Variants in CYP1B1 observed in about 807,000 individuals in gnomAD.
CYP1B1 encodes cytochrome P450 1B1.
Under a neutral mutation model 29.9 loss-of-function variants are expected in CYP1B1, and 22 were observed. That is an observed-to-expected ratio of 0.74 (90% CI 0.53 to 1.05). CYP1B1 has a LOEUF of 1.05. Among genes scored for constraint, CYP1B1 ranks in the 50% least tolerant of loss-of-function variants. The pLI, the probability that CYP1B1 is intolerant of heterozygous loss-of-function variation, is 0.00. For synonymous variants in CYP1B1, 375 were observed against 320.0 expected (o/e 1.17, Z -1.83); for missense variants, 883 against 746.9 (o/e 1.18, Z -2.12).
intron 2 of CYP1B1, among the ~76,000 whole-genome samples, chr2:38,071,737 G>A (rs1682437000): frequency 6.6e-6 from 1 of 152,092 alleles, no homozygotes; most frequent in South Asian, 2.1e-4. Flanking sequence ...CTTTTAGTTA[G>A]AAGAAAATAT....
intron 2 of CYP1B1, chr2:38,073,916 G>A (rs1682476596): frequency 6.0e-6 from 1 of 166,366 alleles, no homozygotes; most frequent in African/African-American, 2.4e-5. Flanking sequence ...GCACGCCGAG[G>A]ACTAGCCTAG....
chr2:38,070,872 C>T lies in CYP1B1; in HGVS notation c.1482G>A (p.Arg494=). Reference sequence around the variant, plus strand: ...TTTTCGCAGGCTCATTTGGGTTGGCCCTGAAATCGCACTGGTGAGCCAGGA... The same window carrying T: ...TTTTCGCAGGCTCATTTGGGTTGGCTCTGAAATCGCACTGGTGAGCCAGGA... ...ISILAHQCDF[R]ANPNEPAKMN... Residue 494 remains arginine, a synonymous_variant, in exon 3 of 3, where the codon AGG becomes AGA. Coordinates refer to ENST00000610745, the MANE Select transcript of CYP1B1 (RefSeq NM_000104.4). The T allele has an allele frequency of 1.2e-6, 2 of 1,614,000 alleles. No homozygotes were observed. The highest frequency in any genetic ancestry group is 1.7e-6 in the Non-Finnish European group (2 of 1,180,018).
intron 2 of CYP1B1, among the ~76,000 whole-genome samples, chr2:38,071,831 T>A (rs1181417186): frequency 6.6e-6 from 1 of 152,210 alleles, no homozygotes; most frequent in Non-Finnish European, 1.5e-5. Context: ...GTATAAGGAA[T>A]CTACAAAGGC....
At position 38,075,871 on chromosome 2, in the gene CYP1B1, C is replaced by T. The variant is rs1251463985; in HGVS notation, c.-93G>A. ...CTAGGGCAAGACGTCAACAGGAACC[C>T]GCAGGCCCGGCCTGGACACCTGCTG... On this transcript the variant is annotated 5_prime_UTR_variant, in exon 1 of 3. Coordinates refer to ENST00000610745, the MANE Select transcript of CYP1B1 (RefSeq NM_000104.4). The T allele has an allele frequency of 1.0e-5, 2 of 193,094 alleles. No homozygotes were observed. Among genetic ancestry groups the T allele is most frequent in the East Asian group, 2.8e-4 (2 of 7,268 alleles). The allele number at this position is 193,094 out of a possible 1,614,324, so 12.0% of individuals were successfully genotyped here.
At chr2:38,075,472 G>A in intron 1 of CYP1B1, 83 bp from the exon 2 acceptor site, 1 of 1,415,084 alleles carries the variant, frequency 7.1e-7, no homozygotes, top group Admixed American at 1.8e-5. Context: ...CAGCCTCTGG[G>A]GACTGAGTGC....
At chr2:38,074,185 C>A in intron 2 of CYP1B1, 161 bp downstream of exon 2, 3 of 782,892 alleles carry the variant, frequency 3.8e-6, no homozygotes, top group Non-Finnish European at 6.2e-6. Context: ...TCGCAGCCCT[C>A]ACTGTGAGTC....
rs1255950065 is a variant in CYP1B1, at chr2:38,070,495, C to T, written c.*227G>A. 3 of 556,498 alleles carry T rather than the reference C, an allele frequency of 5.4e-6. No homozygotes were observed. In the East Asian group the frequency reaches 9.3e-5, roughly 17 times the overall value. 34.5% of individuals were successfully genotyped at this position (556,498 alleles called of 1,614,324 possible). A position where few individuals can be genotyped will look rare whatever the true frequency, so the allele number is the denominator to read the frequency against. On this transcript the variant is annotated 3_prime_UTR_variant, in exon 3 of 3. Coordinates refer to ENST00000610745, the MANE Select transcript of CYP1B1 (RefSeq NM_000104.4). ...TATGTATATAATAATTCATTGGGCCCTTTAAGTCTTTGACTCAAAAAAATC... is the reference window on the plus strand; with the variant it reads ...TATGTATATAATAATTCATTGGGCCTTTTAAGTCTTTGACTCAAAAAAATC...
Position 38,071,241 on chromosome 2 carries a change from A to G in CYP1B1, c.1113T>C (p.Cys371=), listed in dbSNP as rs776027129. 2.5e-6 allele frequency: 4 copies of G among 1,613,162 alleles called. No homozygotes were observed. The highest frequency in any genetic ancestry group is 2.5e-6 in the Non-Finnish European group (3 of 1,180,038). ...AGGGCAGGTTGGGCTGGTCACCCAT[A>G]CAAGGCAGACGGTCCCTCCCCACGA... is the stretch of plus-strand genomic sequence containing the variant. ...DQVVGRDRLP[C]MGDQPNLPYV... The change falls in exon 3 of 3, where the codon TGT becomes TGC. Residue 371 remains cysteine (C), a synonymous_variant. Coordinates refer to ENST00000610745, the MANE Select transcript of CYP1B1 (RefSeq NM_000104.4).
chr2:38,073,490 TG>T (rs1225648283), intron 2 of CYP1B1: 1 of 152,236 alleles, frequency 6.6e-6, no homozygotes. Flanking sequence ...AATCTTTTAG[TG>T]TGAGTATTCC....
In CYP1B1 at chr2:38,074,797, C is replaced by T. The variant is rs59472972; in HGVS notation, c.592G>A (p.Val198Ile). 6.0e-5 allele frequency: 95 copies of T among 1,582,984 alleles called. 1 individual carries two copies. In the East Asian group the frequency reaches 2.0e-3, roughly 34 times the overall value. ...GAFLDPRPLT[V>I]VAVANVMSAV... ...CTCATGACGTTGGCCACGGCCACGA[C>T]GGTCAGCGGCCTCGGGTCGAGGAAG... is the stretch of plus-strand genomic sequence containing the variant. The change falls in exon 2 of 3, where the codon GTC (valine) becomes ATC (isoleucine). Residue 198 changes from valine to isoleucine, a missense_variant. Coordinates refer to ENST00000610745, the MANE Select transcript of CYP1B1 (RefSeq NM_000104.4).
chr2:38,075,475 C>T, intron 1 of CYP1B1, 86 bp from the exon 2 acceptor site: 1 of 1,381,956 alleles, frequency 7.2e-7, no homozygotes, highest in Non-Finnish European at 1.0e-6. Context: ...CCTCTGGGGA[C>T]TGAGTGCCGT....
At position 38,070,471 on chromosome 2, in the gene CYP1B1, A is replaced by G. The variant is rs1682403970; in HGVS notation, c.*251T>C. The G allele has an allele frequency of 7.7e-6, 4 of 519,164 alleles. No individual in the cohort carries two copies. In the East Asian group the frequency reaches 1.0e-4, roughly 13 times the overall value. 32.2% of individuals were successfully genotyped at this position (519,164 alleles called of 1,614,324 possible). ...CCTTCAGAAATAACCAAGATGCAGT[A>G]TGTATATAATAATTCATTGGGCCCT... On this transcript the variant is annotated 3_prime_UTR_variant, in exon 3 of 3. Transcript: ENST00000610745.
rs1199977377 is a variant in CYP1B1, at chr2:38,070,508, ACTCAAAAAAAT to A, written c.*203_*213del. The A allele has an allele frequency of 1.3e-5, 7 of 552,054 alleles. No individual in the cohort carries two copies. In the East Asian group the frequency reaches 1.6e-4, roughly 12 times the overall value. The allele number at this position is 552,054 out of a possible 1,614,324, so 34.2% of individuals were successfully genotyped here. On this transcript the variant is annotated 3_prime_UTR_variant, in exon 3 of 3. Coordinates refer to ENST00000610745, the MANE Select transcript of CYP1B1 (RefSeq NM_000104.4). The stretch of plus-strand genomic sequence containing the variant: ...ATTCATTGGGCCCTTTAAGTCTTTG[ACTCAAAAAAAT>A]CTCCCAGAAGCTCCTGCATAGCCCA...
Position 38,075,043 on chromosome 2 carries a change from C to G in CYP1B1, c.346G>C (p.Asp116His), listed in dbSNP as rs979313676. Residue 116 changes from aspartate (D) to histidine (H), a missense_variant, in exon 2 of 3, where the codon GAC (aspartate) becomes CAC (histidine). Physicochemically the swap from Asp to His is moderately conservative, Grantham distance 81. Coordinates refer to ENST00000610745, the MANE Select transcript of CYP1B1 (RefSeq NM_000104.4). ...CGGAAGGAGGCGAAGGCCGGCCGGTCGGCGAAGGCCGAGCCCTGCTGCACC... is the reference window on the plus strand; with the variant it reads ...CGGAAGGAGGCGAAGGCCGGCCGGTGGGCGAAGGCCGAGCCCTGCTGCACC... ...ALVQQGSAFA[D>H]RPAFASFRVV... 1.9e-6 allele frequency: 3 copies of G among 1,587,256 alleles called. No homozygotes were observed. Among genetic ancestry groups the G allele is most frequent in the Non-Finnish European group, 2.6e-6 (3 of 1,174,776 alleles).
rs1033361792 is a variant in CYP1B1 at position 38,068,762 on chromosome 2, TATTTGAG to T, written c.*1953_*1959del. 3 of 224,306 alleles carry T rather than the reference TATTTGAG, an allele frequency of 1.3e-5. No homozygotes were observed. In the Admixed American group the frequency reaches 1.7e-4, roughly 13 times the overall value. The allele number at this position is 224,306 out of a possible 1,614,324, so 13.9% of individuals were successfully genotyped here. A position where few individuals can be genotyped will look rare whatever the true frequency, so the allele number is the denominator to read the frequency against. On this transcript the variant is annotated 3_prime_UTR_variant, in exon 3 of 3. Coordinates refer to ENST00000610745, the MANE Select transcript of CYP1B1 (RefSeq NM_000104.4). Reference sequence around the variant, plus strand: ...TATGTTGTAGACTTTTTTAATAGCCTATTTGAGATTTAACTCTGCTACGCCAAACATC... The same window carrying T: ...TATGTTGTAGACTTTTTTAATAGCCTATTTAACTCTGCTACGCCAAACATC...
At position 38,075,764 on chromosome 2, in the gene CYP1B1, C is replaced by T. The variant is rs151336640; in HGVS notation, c.-2+16G>A. ...CTGAAGAGGTCGCCGGGCAGCGCCTCGGCAGACAGACTGACCTGCGGGGAG... is the reference window on the plus strand; with the variant it reads ...CTGAAGAGGTCGCCGGGCAGCGCCTTGGCAGACAGACTGACCTGCGGGGAG... On this transcript the variant is annotated intron_variant, in intron 1 of 2. Coordinates refer to ENST00000610745, the MANE Select transcript of CYP1B1 (RefSeq NM_000104.4). 206 of 299,008 alleles carry T rather than the reference C, an allele frequency of 6.9e-4. 1 individual carries two copies. The highest frequency in any genetic ancestry group is 5.7e-3 in the Middle Eastern group (5 of 884). 18.5% of individuals were successfully genotyped at this position (299,008 alleles called of 1,614,324 possible).
chr2:38,070,595 T>C lies in CYP1B1; in HGVS notation c.*127A>G, dbSNP rs1682407651. On this transcript the variant is annotated 3_prime_UTR_variant, in exon 3 of 3. Transcript: ENST00000610745. The stretch of plus-strand genomic sequence containing the variant: ...GGAGCACACCTCACCTGATGGACAG[T>C]TGATTTATGCTCACCTTAAACGCTA... 3 of 856,186 alleles carry C rather than the reference T, an allele frequency of 3.5e-6. No individual in the cohort carries two copies. Among genetic ancestry groups the C allele is most frequent in the Non-Finnish European group, 5.7e-6 (3 of 525,856 alleles). The allele number at this position is 856,186 out of a possible 1,614,324, so 53.0% of individuals were successfully genotyped here.
rs1682398944 is a variant in CYP1B1, at chr2:38,070,168, T to C, written c.*554A>G. 1 of 227,722 alleles carries C rather than the reference T, an allele frequency of 4.4e-6. No homozygotes were observed. Among genetic ancestry groups the C allele is most frequent in the African/African-American group, 2.2e-5 (1 of 44,772 alleles). 14.1% of individuals were successfully genotyped at this position (227,722 alleles called of 1,614,324 possible). On this transcript the variant is annotated 3_prime_UTR_variant, in exon 3 of 3. Transcript: ENST00000610745. ...CCCATAAATACTAGAGTCTAAGTTA[T>C]TTTCCTGAAAAGGTGAAAAGGGAAT...
At chr2:38,071,861 G>A (rs113259438) in intron 2 of CYP1B1, among the ~76,000 whole-genome samples, 1,937 of 152,256 alleles carry the variant, frequency 0.013, 61 homozygotes, top group African/African-American at 0.045. Context: ...CAGGGCCCAC[G>A]AAAGTTACAA....
Sources: gnomAD v4.1 joint callset for allele counts (sites outside exome capture counted in the v4.1 genomes callset) on GRCh38, gnomAD v4.1.1 for gene constraint, MANE v1.5 for transcripts, NCBI Gene and HGNC (gene_info 2026-07-23, HGNC 2026-07-21) for gene names.